XKR7: variants seen among roughly 807,000 people sequenced by gnomAD.
The protein encoded by XKR7 is XK-related protein 7.
XKR7 carries 11 observed loss-of-function variants against 42.2 expected under a neutral mutation model. The ratio of observed to expected loss-of-function variants is 0.26; its 90% CI spans 0.16 to 0.43. The LOEUF is 0.43. XKR7 is among the 20% of genes least tolerant of loss of function. XKR7 has a pLI of 1.00. For missense variants in XKR7, 710 were observed against 802.2 expected (o/e 0.89, Z 1.39); for synonymous variants, 346 against 366.4 (o/e 0.94, Z 0.64).
rs536865968 is a variant in XKR7, at chr20:31,988,301, G to A, written c.585-6767G>A. Among the ~76,000 whole-genome samples the A allele has an allele frequency of 3.9e-5, 6 of 152,278 alleles. No homozygotes were observed. The East Asian group carries it at 1.2e-3, about 29-fold the overall frequency. On this transcript the variant is annotated intron_variant, in intron 1 of 2. Transcript: ENST00000562532. ...AGAGAGCAGCCCCCAAACTCTGGGG[G>A]ACTGGGGGACACTGGAAATTTCCCG...
intron 1 of XKR7, among the ~76,000 whole-genome samples, chr20:31,978,523 G>A (rs2064496008): frequency 6.6e-6 from 1 of 152,184 alleles, no homozygotes; most frequent in African/African-American, 2.4e-5. Context: ...ATTGATTCCT[G>A]GCCAACCTTG....
At chr20:31,974,508 C>T (rs1447288354) in intron 1 of XKR7, among the ~76,000 whole-genome samples, 5 of 152,138 alleles carry the variant, frequency 3.3e-5, no homozygotes, top group African/African-American at 1.2e-4. Flanking sequence ...TTCTCATCTG[C>T]TAAATGGACA....
chr20:31,989,281 C>G (rs554763912), intron 1 of XKR7, among the ~76,000 whole-genome samples: 39 of 119,578 alleles, frequency 3.3e-4, no homozygotes, highest in African/African-American at 9.6e-4. Context: ...GGACACCCCC[C>G]CCCCAGCGCA....
At chr20:31,970,481 A>G (rs1455172466) in intron 1 of XKR7, 7 of 152,208 alleles carry the variant, frequency 4.6e-5, no homozygotes, top group Non-Finnish European at 8.8e-5. Context: ...GGTTTCTTGG[A>G]TATGGATAAA....
At chr20:31,982,627 C>G (rs1329641592) in intron 1 of XKR7, among the ~76,000 whole-genome samples, 1 of 151,926 alleles carries the variant, frequency 6.6e-6, no homozygotes, top group East Asian at 1.9e-4. Flanking sequence ...ATGAACCTCA[C>G]AGGACCACAG....
chr20:31,985,185 C>A (rs962826546), intron 1 of XKR7, among the ~76,000 whole-genome samples: 1 of 152,178 alleles, frequency 6.6e-6, no homozygotes, highest in African/African-American at 2.4e-5. Flanking sequence ...TGCCTCCCAG[C>A]CCCACCCTGT....
chr20:31,994,968 G>A, intron 1 of XKR7, 100 bp from the exon 2 acceptor site: 2 of 1,501,986 alleles, frequency 1.3e-6, no homozygotes, highest in Non-Finnish European at 1.8e-6. Context: ...CTCAGCGTAG[G>A]GAGTGACTTG....
chr20:31,996,980 G>A lies in XKR7; in HGVS notation c.1263G>A (p.Val421=), dbSNP rs368374196. ...ACTCGCTCATCATGGTCTGCGTAGT[G>A]GCCTCCAGCTTTGCGCTGGGCATAT... is the stretch of plus-strand genomic sequence containing the variant. ...DFYSLIMVCV[V]ASSFALGIFF... The change falls in exon 3 of 3, where the codon GTG becomes GTA. Residue 421 remains valine, a synonymous_variant. Coordinates refer to ENST00000562532, the MANE Select transcript of XKR7 (RefSeq NM_001011718.2). The A allele has an allele frequency of 4.3e-6, 7 of 1,614,018 alleles. No individual in the cohort carries two copies. Among genetic ancestry groups the A allele is most frequent in the African/African-American group, 1.3e-5 (1 of 74,942 alleles).
chr20:31,997,706 G>A lies in XKR7; in HGVS notation c.*249G>A. 1.9e-6 allele frequency: 1 copy of A among 514,704 alleles called. No individual in the cohort carries two copies. Among genetic ancestry groups the A allele is most frequent in the South Asian group, 2.7e-5 (1 of 36,650 alleles). 31.9% of individuals were successfully genotyped at this position (514,704 alleles called of 1,614,324 possible). On this transcript the variant is annotated 3_prime_UTR_variant, in exon 3 of 3. Transcript: ENST00000562532. ...GACCCAGGGCCTGGGGAATCATCTG[G>A]TGCTACACTTTTCGAGCTGCCCTGC...
At chr20:31,982,246 C>T (rs2064516659) in intron 1 of XKR7, among the ~76,000 whole-genome samples, 2 of 152,114 alleles carry the variant, frequency 1.3e-5, no homozygotes, top group Admixed American at 6.6e-5. Context: ...GTGGACTGGG[C>T]ATGGTGGCTC....
intron 1 of XKR7, among the ~76,000 whole-genome samples, chr20:31,983,123 A>T (rs2064521251): frequency 6.6e-6 from 1 of 152,206 alleles, no homozygotes; most frequent in Non-Finnish European, 1.5e-5. Flanking sequence ...AAGTTTACAA[A>T]GCAGAGTTTA....
In XKR7 at chr20:32,003,284, C is replaced by T. The variant is rs2064634052; in HGVS notation, c.*5827C>T. On this transcript the variant is annotated 3_prime_UTR_variant, in exon 3 of 3. Coordinates refer to ENST00000562532, the MANE Select transcript of XKR7 (RefSeq NM_001011718.2). The stretch of plus-strand genomic sequence containing the variant: ...CAGGAGGGGGAGGGGGAGGGGGCCC[C>T]GAGCTGGGGCCTCTTTACTGAGACT... The T allele has an allele frequency of 6.6e-6, 1 of 152,150 alleles. No homozygotes were observed. 9.4% of individuals were successfully genotyped at this position (152,150 alleles called of 1,614,324 possible).
In XKR7 at chr20:31,995,591, C is replaced by T. The variant is rs113090587; in HGVS notation, c.787+321C>T. 0.015 allele frequency among the ~76,000 whole-genome samples: 2,273 copies of T among 152,152 alleles called. 51 individuals carry two copies. The highest frequency in any genetic ancestry group is 0.052 in the African/African-American group (2,152 of 41,496). ...GAGCCAACCAAACCCCATCTCCCAC[C>T]CAAACACCTTAGACCCTCTGGGGAA... On this transcript the variant is annotated intron_variant, in intron 2 of 2. Transcript: ENST00000562532. This position sits in a 1 kb window ranked among gnomAD's most constrained non-coding sequence, Gnocchi z 4.1.
At chr20:31,993,088 CCA>C (rs374683030) in intron 1 of XKR7, among the ~76,000 whole-genome samples, 244 of 146,724 alleles carry the variant, frequency 1.7e-3, no homozygotes, top group Middle Eastern at 3.5e-3. Context: ...GGTTCCCCCT[CCA>C]CACACACACA....
Position 31,968,676 on chromosome 20 carries a change from C to A in XKR7, c.501C>A (p.Ser167Arg), listed in dbSNP as rs1353153389. Reference sequence around the variant, plus strand: ...CCCAGCCTGCGCCCTCCTCGGCCAGCGCCTACCGCCGCCGCTGCTGCCGCC... The same window carrying A: ...CCCAGCCTGCGCCCTCCTCGGCCAGAGCCTACCGCCGCCGCTGCTGCCGCC... ...PGPQPAPSSA[S>R]AYRRRCCRLC... is the part of the protein sequence containing the mutation. Residue 167 changes from serine (S) to arginine (R), a missense_variant, in exon 1 of 3, where the codon AGC (serine) becomes AGA (arginine). Coordinates refer to ENST00000562532, the MANE Select transcript of XKR7 (RefSeq NM_001011718.2). This position sits in a 1 kb window ranked among gnomAD's most constrained non-coding sequence, Gnocchi z 4.5. 6.4e-7 allele frequency: 1 copy of A among 1,562,722 alleles called. No homozygotes were observed. Among genetic ancestry groups the A allele is most frequent in the Non-Finnish European group, 8.6e-7 (1 of 1,161,896 alleles).
At chr20:31,990,300 G>A (rs1019320501) in intron 1 of XKR7, among the ~76,000 whole-genome samples, 1 of 151,784 alleles carries the variant, frequency 6.6e-6, no homozygotes, top group African/African-American at 2.4e-5. Context: ...CAAAGTGTTG[G>A]GATTACAGGT....
chr20:31,997,372 A>G lies in XKR7; in HGVS notation c.1655A>G (p.Glu552Gly). 1 of 1,602,058 alleles carries G rather than the reference A, an allele frequency of 6.2e-7. No individual in the cohort carries two copies. The highest frequency in any genetic ancestry group is 1.7e-5 in the Admixed American group (1 of 60,024). ...CTCCGGAAGACCATCCTGGCACTGG[A>G]GTACTCCTCACCTGCCACGCCCCGG... ...RRLRKTILAL[E>G]YSSPATPRLQ... is the part of the protein sequence containing the mutation. Residue 552 changes from glutamate (E) to glycine (G), a missense_variant, in exon 3 of 3, where the codon GAG becomes GGG. By Grantham distance (98) the Glu-to-Gly change is moderately conservative. Around this residue, in one of 2 missense-constraint regions of XKR7, gnomAD observed 708 missense variants for 786.2 expected, o/e 0.90. Coordinates refer to ENST00000562532, the MANE Select transcript of XKR7 (RefSeq NM_001011718.2).
intron 1 of XKR7, among the ~76,000 whole-genome samples, chr20:31,984,757 C>T (rs1600659390): frequency 1.3e-5 from 2 of 152,280 alleles, no homozygotes; most frequent in East Asian, 1.9e-4. Flanking sequence ...ACCTTCCAGG[C>T]GAGGGAAGCT....
rs78428620 is a variant in XKR7, at chr20:32,003,236, C to G, written c.*5779C>G. The G allele has an allele frequency of 6.6e-6, 1 of 152,248 alleles. No individual in the cohort carries two copies. Among genetic ancestry groups the G allele is most frequent in the South Asian group, 2.1e-4 (1 of 4,832 alleles). 9.4% of individuals were successfully genotyped at this position (152,248 alleles called of 1,614,324 possible). A position where few individuals can be genotyped will look rare whatever the true frequency, so the allele number is the denominator to read the frequency against. ...GTGCCATCCCTCATCCCCCTGACCC[C>G]CATTCACCCTCCGAGCTTCCCCCAG... On this transcript the variant is annotated 3_prime_UTR_variant, in exon 3 of 3. Transcript: ENST00000562532.
Sources: allele counts gnomAD v4.1 joint callset (sites outside exome capture counted in the v4.1 genomes callset), GRCh38; gene constraint gnomAD v4.1.1; regional missense constraint gnomAD v4.1.1; non-coding constraint Gnocchi (gnomAD v3.1); transcripts MANE v1.5; gene names NCBI Gene and HGNC (gene_info 2026-07-23, HGNC 2026-07-21).